LRRC9: variants seen among roughly 807,000 people sequenced by gnomAD.
The protein encoded by LRRC9 is leucine-rich repeat-containing protein 9.
In LRRC9, 122 loss-of-function variants were observed where a neutral mutation model predicts 63.2. The observed-to-expected ratio is 1.93, with a 90% confidence interval of 1.67 to 2.24. The LOEUF is 2.24. Among genes scored for constraint, LRRC9 ranks in the 30% most tolerant of loss-of-function variants. The probability of loss-of-function intolerance (pLI) is 0.00; values close to 1 mark genes in which losing one functional copy is unlikely to be tolerated. For synonymous variants in LRRC9, 366 were observed against 213.1 expected, an observed-to-expected ratio of 1.72 and a Z score of -6.25; for missense variants, 1,071 against 627.7, an observed-to-expected ratio of 1.71 and a Z score of -7.55.
rs1288055294 is a variant in LRRC9, at chr14:60,027,933, A to G, written c.3753A>G (p.Gln1251=). ...GGCTTGACAACTTAGTAGTCCTTCAAGAATTGGTAGTGGACCATAACCGCA... is the reference window on the plus strand; with the variant it reads ...GGCTTGACAACTTAGTAGTCCTTCAGGAATTGGTAGTGGACCATAACCGCA... The change falls in exon 28 of 32, where the codon CAA becomes CAG. Residue 1251 remains glutamine, a synonymous_variant. Transcript: ENST00000445360. The surrounding 1 kb of genome is among the most constrained non-coding windows in gnomAD (Gnocchi z 4.0). The G allele has an allele frequency of 5.7e-6, 4 of 701,588 alleles. No individual in the cohort carries two copies. The highest frequency in any genetic ancestry group is 1.0e-5 in the Non-Finnish European group (4 of 384,184). 43.5% of individuals were successfully genotyped at this position (701,588 alleles called of 1,614,324 possible).
At chr14:60,056,187 G>C (rs1340468866) in intron 30 of LRRC9, among the ~76,000 whole-genome samples, 1 of 152,136 alleles carries the variant, frequency 6.6e-6, no homozygotes, top group Non-Finnish European at 1.5e-5. Flanking sequence ...GTATTCACAG[G>C]TTTTGGGAAT....
At chr14:59,988,467 A>G (rs1322969620) in intron 17 of LRRC9, among the ~76,000 whole-genome samples, 1 of 152,166 alleles carries the variant, frequency 6.6e-6, no homozygotes, top group African/African-American at 2.4e-5. Flanking sequence ...ACATATATAT[A>G]CTTTTCTCAT....
chr14:60,013,740 TG>T (rs1220291956), intron 23 of LRRC9, among the ~76,000 whole-genome samples: 2 of 152,194 alleles, frequency 1.3e-5, no homozygotes, highest in Non-Finnish European at 2.9e-5. Context: ...TGCTTTCTCT[TG>T]ATTAATGTTT....
At chr14:59,951,818 C>T (rs1883162241) in intron 8 of LRRC9, among the ~76,000 whole-genome samples, 1 of 152,184 alleles carries the variant, frequency 6.6e-6, no homozygotes, top group Admixed American at 6.5e-5. Context: ...GCTCGGGGGT[C>T]AGGGGTCAGG....
chr14:60,027,922 G>A lies in LRRC9; in HGVS notation c.3742G>A (p.Val1248Ile). 1 of 701,508 alleles carries A rather than the reference G, an allele frequency of 1.4e-6. No homozygotes were observed. The highest frequency in any genetic ancestry group is 2.7e-5 in the East Asian group (1 of 37,232). 43.5% of individuals were successfully genotyped at this position (701,508 alleles called of 1,614,324 possible). A position where few individuals can be genotyped will look rare whatever the true frequency, so the allele number is the denominator to read the frequency against. The change falls in exon 28 of 32, where the codon GTA (valine) becomes ATA (isoleucine). Residue 1248 changes from valine (V) to isoleucine (I), a missense_variant. Coordinates refer to ENST00000445360, the Ensembl canonical transcript of LRRC9. This position sits in a 1 kb window ranked among gnomAD's most constrained non-coding sequence, Gnocchi z 4.0. ...CCAAGTTGAAGGGCTTGACAACTTA[G>A]TAGTCCTTCAAGAATTGGTAGTGGA...
intron 31 of LRRC9, chr14:60,062,126 G>C: frequency 2.5e-6 from 1 of 398,712 alleles, no homozygotes; most frequent in Non-Finnish European, 4.4e-6. Context: ...TATCACATCA[G>C]AATATTGCAT....
rs911257888 is a variant in LRRC9, at chr14:59,966,774, C to A, written c.1388+9C>A. 23 of 610,218 alleles carry A rather than the reference C, an allele frequency of 3.8e-5. No homozygotes were observed. In the East Asian group the frequency reaches 6.1e-4, roughly 16 times the overall value. The allele number at this position is 610,218 out of a possible 1,614,324, so 37.8% of individuals were successfully genotyped here. A position where few individuals can be genotyped will look rare whatever the true frequency, so the allele number is the denominator to read the frequency against. On this transcript the variant is annotated intron_variant, in intron 11 of 31. Coordinates refer to ENST00000445360, the Ensembl canonical transcript of LRRC9. This position sits in a 1 kb window ranked among gnomAD's most constrained non-coding sequence, Gnocchi z 4.0. ...GATATGCATGATTCAGAGTAAGAAG[C>A]TGAATTCTTTATGGAACAACTTTAC...
chr14:60,030,539 C>G (rs770174194), intron 28 of LRRC9, among the ~76,000 whole-genome samples: 1 of 151,982 alleles, frequency 6.6e-6, no homozygotes, highest in Non-Finnish European at 1.5e-5. Context: ...AAAATAACCC[C>G]AAGAATAGTC....
At chr14:60,028,612 G>GC (rs1046755048) in intron 28 of LRRC9, among the ~76,000 whole-genome samples, 3 of 152,066 alleles carry the variant, frequency 2.0e-5, no homozygotes, top group African/African-American at 7.2e-5. Context: ...TTAGGTCACT[G>GC]CCCCAACTGA....
At chr14:60,022,077 T>C (rs1891159514) in intron 26 of LRRC9, among the ~76,000 whole-genome samples, 1 of 151,792 alleles carries the variant, frequency 6.6e-6, no homozygotes, top group African/African-American at 2.4e-5. Flanking sequence ...TATTGATCAA[T>C]TTGGGAGAAT....
Position 59,924,185 on chromosome 14 carries a change from G to C in LRRC9, c.-33-3726G>C, listed in dbSNP as rs558411132. On this transcript the variant is annotated intron_variant, in intron 1 of 31. Coordinates refer to ENST00000445360, the Ensembl canonical transcript of LRRC9. ...AAGCGTTTGTCCTTTGTGTGGTGGTGGGCAGCTAGGCTATCCTTTGGTAAT... is the reference window on the plus strand; with the variant it reads ...AAGCGTTTGTCCTTTGTGTGGTGGTCGGCAGCTAGGCTATCCTTTGGTAAT... Among the ~76,000 whole-genome samples the C allele has an allele frequency of 4.6e-5, 7 of 152,272 alleles. No homozygotes were observed. The East Asian group carries it at 1.4e-3, about 29-fold the overall frequency.
downstream of LRRC9, among the ~76,000 whole-genome samples, chr14:60,064,782 TTC>T (rs935980713): frequency 2.0e-5 from 3 of 152,200 alleles, no homozygotes; most frequent in Non-Finnish European, 4.4e-5. Flanking sequence ...TGGCATCATC[TTC>T]TTTTTTTCTT....
exon 12 of LRRC9, chr14:59,967,139 C>A: frequency 1.6e-6 from 1 of 642,002 alleles, no homozygotes; most frequent in Non-Finnish European, 2.9e-6. Context: ...TGTTTTTGAT[C>A]CTGAAGTTTC....
chr14:60,044,081 C>T lies in LRRC9; in HGVS notation c.3991-8984C>T, dbSNP rs184268738. On this transcript the variant is annotated intron_variant, in intron 29 of 31. Transcript: ENST00000445360. ...CATTATCCATGTCTTCTAGGTTTTC[C>T]AATTTATTAGAGTATAGTTCATAAT... 2.1e-4 allele frequency among the ~76,000 whole-genome samples: 32 copies of T among 151,910 alleles called. No individual in the cohort carries two copies. The East Asian group carries it at 5.8e-3, about 27-fold the overall frequency.
At chr14:60,043,026 G>A (rs1488517970) in intron 29 of LRRC9, among the ~76,000 whole-genome samples, 1 of 152,106 alleles carries the variant, frequency 6.6e-6, no homozygotes, top group Non-Finnish European at 1.5e-5. Context: ...TGGTTAGATT[G>A]ATTCCTAGGT....
At chr14:59,931,538 A>G (rs1327547307) in intron 4 of LRRC9, 81 bp from the exon 5 acceptor site, 6 of 639,884 alleles carry the variant, frequency 9.4e-6, no homozygotes, top group African/African-American at 1.8e-5. Flanking sequence ...CACCTGCAGA[A>G]CTAACCAGAT....
At chr14:60,011,154 C>T (rs1049034080) in intron 23 of LRRC9, among the ~76,000 whole-genome samples, 3 of 152,158 alleles carry the variant, frequency 2.0e-5, no homozygotes, top group Admixed American at 6.5e-5. Flanking sequence ...TTAATGGACT[C>T]ACAGTTCCAC....
intron 29 of LRRC9, among the ~76,000 whole-genome samples, chr14:60,043,580 G>A (rs1893137466): frequency 6.6e-6 from 1 of 151,912 alleles, no homozygotes; most frequent in Non-Finnish European, 1.5e-5. Context: ...TGTTAATATT[G>A]TATAACATGT....
At position 59,963,511 on chromosome 14, in the gene LRRC9, T is replaced by TG. The variant is rs1348055797; in HGVS notation, c.1211+2466_1211+2467insG. Among the ~76,000 whole-genome samples, 7 of 137,120 alleles carry TG rather than the reference T, an allele frequency of 5.1e-5. No homozygotes were observed. The East Asian group carries it at 1.4e-3, about 28-fold the overall frequency. 90.0% of individuals were successfully genotyped at this position (137,120 alleles called of 152,430 possible). ...GTCATAGATACAGTGTATTTACAAC[T>TG]AAAAAAAAAAAAACACCTTTAAAAT... On this transcript the variant is annotated intron_variant, in intron 10 of 31. Transcript: ENST00000445360.
Sources: gnomAD v4.1 joint callset for allele counts (sites outside exome capture counted in the v4.1 genomes callset) on GRCh38, gnomAD v4.1.1 for gene constraint, Gnocchi (gnomAD v3.1) non-coding constraint, MANE v1.5 for transcripts, NCBI Gene and HGNC (gene_info 2026-07-23, HGNC 2026-07-21) for gene names.